The following KL variants were observed in gnomAD, a reference collection of about 807,000 sequenced individuals.
KL encodes klotho, also known as alpha-klotho.
Under a neutral mutation model 84.2 loss-of-function variants are expected in KL, and 62 were observed. The observed-to-expected ratio is 0.74, with a 90% CI of 0.60 to 0.91. The LOEUF (loss-of-function observed/expected upper bound fraction) is 0.91, where lower values mean the gene tolerates loss of function less well. Among genes scored for constraint, KL ranks in the 40% least tolerant of loss-of-function variants. The pLI is 0.00. For synonymous variants in KL, 528 were observed against 528.0 expected, an observed-to-expected ratio of 1.00 and a Z score of 0.00; for missense variants, 1,261 against 1,305.7, an observed-to-expected ratio of 0.97 and a Z score of 0.53.
intron 1 of KL, among the ~76,000 whole-genome samples, chr13:33,020,798 G>A (rs1167318797): frequency 6.6e-6 from 1 of 152,156 alleles, no homozygotes; most frequent in East Asian, 1.9e-4. Flanking sequence ...CTCACTGCTG[G>A]GGTTCTTATT....
intron 1 of KL, among the ~76,000 whole-genome samples, chr13:33,024,650 A>G (rs1870697268): frequency 6.6e-6 from 1 of 152,178 alleles, no homozygotes; most frequent in Admixed American, 6.5e-5. Context: ...GCCCTGTCAG[A>G]GCCTCTTGGG....
At chr13:33,018,639 T>C (rs575536) in intron 1 of KL, among the ~76,000 whole-genome samples, 94,717 of 152,012 alleles carry the variant, frequency 0.62, 31,509 homozygotes, top group Admixed American at 0.75. Context: ...TCTGAAAAAC[T>C]CTAAAGACCA....
At position 33,061,379 on chromosome 13, in the gene KL, C is replaced by T; in HGVS notation, c.2300C>T (p.Ser767Phe). ...IGWLAEPIFG[S>F]GDYPWVMRDW... is the part of the protein sequence containing the mutation. Reference sequence around the variant, plus strand: ...TGGCTGGCTGAGCCCATTTTCGGCTCTGGAGATTATCCATGGGTGATGAGG... The same window carrying T: ...TGGCTGGCTGAGCCCATTTTCGGCTTTGGAGATTATCCATGGGTGATGAGG... The change falls in exon 4 of 5, where the codon TCT becomes TTT. Residue 767 changes from serine to phenylalanine, a missense_variant. Coordinates refer to ENST00000380099, the MANE Select transcript of KL (RefSeq NM_004795.4). The T allele has an allele frequency of 6.2e-7, 1 of 1,614,130 alleles. No homozygotes were observed. Among genetic ancestry groups the T allele is most frequent in the Non-Finnish European group, 8.5e-7 (1 of 1,180,024 alleles).
chr13:33,063,522 C>G (rs2138246791), intron 4 of KL, among the ~76,000 whole-genome samples: 1 of 152,214 alleles, frequency 6.6e-6, no homozygotes, highest in South Asian at 2.1e-4. Context: ...CCTGTAATCC[C>G]AGCACTTTGG....
chr13:33,056,051 G>C (rs1871945490), intron 3 of KL, among the ~76,000 whole-genome samples: 1 of 152,166 alleles, frequency 6.6e-6, no homozygotes. Context: ...TGCAGGTAGA[G>C]GGTATACTGA....
At chr13:33,042,419 G>T (rs1174644476) in intron 1 of KL, among the ~76,000 whole-genome samples, 1 of 152,104 alleles carries the variant, frequency 6.6e-6, no homozygotes, top group Non-Finnish European at 1.5e-5. Flanking sequence ...CCGCTGTTGT[G>T]ATTCCCATCA....
At chr13:33,040,221 A>G (rs765213644) in intron 1 of KL, among the ~76,000 whole-genome samples, 9 of 152,232 alleles carry the variant, frequency 5.9e-5, no homozygotes, top group Non-Finnish European at 8.8e-5. Flanking sequence ...ACTGCAGCTT[A>G]TAAACCATAG....
rs1282600227 is a variant in KL at position 33,064,278 on chromosome 13, A to G, written c.*92A>G. 1.0e-6 allele frequency: 1 copy of G among 996,300 alleles called. No individual in the cohort carries two copies. Among genetic ancestry groups the G allele is most frequent in the Non-Finnish European group, 1.5e-6 (1 of 667,454 alleles). The allele number at this position is 996,300 out of a possible 1,614,324, so 61.7% of individuals were successfully genotyped here. ...GCACCTCTAAGTGTTGTGAAACTGT[A>G]AATTTCATACATTTGACTTCTAGAA... On this transcript the variant is annotated 3_prime_UTR_variant, in exon 5 of 5. Coordinates refer to ENST00000380099, the MANE Select transcript of KL (RefSeq NM_004795.4).
At chr13:33,026,241 C>T (rs1870772659) in intron 1 of KL, among the ~76,000 whole-genome samples, 1 of 152,180 alleles carries the variant, frequency 6.6e-6, no homozygotes, top group Admixed American at 6.5e-5. Context: ...ATACTCAAGA[C>T]TGGATTTGCC....
rs770530488 is a variant in KL at position 33,061,366 on chromosome 13, C to G, written c.2287C>G (p.Pro763Ala). The change falls in exon 4 of 5, where the codon CCC becomes GCC. Residue 763 changes from proline (P) to alanine (A), a missense_variant. Pro to Ala is a conservative substitution (Grantham distance 27). Transcript: ENST00000380099. ...ATTTGACATTGGCTGGCTGGCTGAG[C>G]CCATTTTCGGCTCTGGAGATTATCC... ...LEFDIGWLAEPIFGSGDYPWV... is the reference protein window; with the variant it reads ...LEFDIGWLAEAIFGSGDYPWV... 6.2e-7 allele frequency: 1 copy of G among 1,614,138 alleles called. No individual in the cohort carries two copies. The highest frequency in any genetic ancestry group is 1.7e-5 in the Admixed American group (1 of 60,026).
At chr13:33,055,390 T>A in intron 3 of KL, 75 bp downstream of exon 3, 1 of 1,580,618 alleles carries the variant, frequency 6.3e-7, no homozygotes, top group Non-Finnish European at 8.7e-7. Context: ...CTTCCTAGGC[T>A]GATTGTCATG....
chr13:33,050,272 A>G (rs1197955732), intron 1 of KL, among the ~76,000 whole-genome samples: 1 of 152,272 alleles, frequency 6.6e-6, no homozygotes, highest in Non-Finnish European at 1.5e-5. Context: ...AGCCTATAAG[A>G]TTAACATACC....
At chr13:33,054,901 T>C in intron 2 of KL, 146 bp from the exon 3 acceptor site, 1 of 1,053,644 alleles carries the variant, frequency 9.5e-7, no homozygotes, top group Non-Finnish European at 1.4e-6. Context: ...ATTAGAGTCT[T>C]TCGTCAAGAA....
intron 1 of KL, among the ~76,000 whole-genome samples, chr13:33,021,125 C>T (rs1229588570): frequency 6.6e-6 from 1 of 152,210 alleles, no homozygotes; most frequent in African/African-American, 2.4e-5. Context: ...TCCCTTGGTG[C>T]TCAGAAGGTG....
At chr13:33,038,687 T>C (rs1317605282) in intron 1 of KL, among the ~76,000 whole-genome samples, 1 of 152,144 alleles carries the variant, frequency 6.6e-6, no homozygotes, top group African/African-American at 2.4e-5. Context: ...TTTTCAGAAA[T>C]CAGAATGACT....
chr13:33,017,149 A>G lies in KL; in HGVS notation c.709A>G (p.Ile237Val), dbSNP rs141049229. 35 of 1,602,068 alleles carry G rather than the reference A, an allele frequency of 2.2e-5. No homozygotes were observed. The highest frequency in any genetic ancestry group is 2.1e-4 in the South Asian group (19 of 91,086). Residue 237 changes from isoleucine to valine, a missense_variant, in exon 1 of 5, where the codon ATC becomes GTC. Coordinates refer to ENST00000380099, the MANE Select transcript of KL (RefSeq NM_004795.4). Reference sequence around the variant, plus strand: ...CGGTCAGGTCAAGTACTGGATCACCATCGACAACCCCTACGTGGTGGCCTG... The same window carrying G: ...CGGTCAGGTCAAGTACTGGATCACCGTCGACAACCCCTACGTGGTGGCCTG... ...FGGQVKYWITIDNPYVVAWHG... is the reference protein window; with the variant it reads ...FGGQVKYWITVDNPYVVAWHG...
intron 1 of KL, among the ~76,000 whole-genome samples, chr13:33,042,587 A>G (rs1184811031): frequency 6.6e-6 from 1 of 152,228 alleles, no homozygotes; most frequent in African/African-American, 2.4e-5. Context: ...ATAGTATTCC[A>G]TTGTATAAAC....
intron 3 of KL, among the ~76,000 whole-genome samples, chr13:33,059,013 C>G (rs1470305650): frequency 1.3e-5 from 2 of 152,164 alleles, no homozygotes; most frequent in Non-Finnish European, 2.9e-5. Flanking sequence ...TTTTTAATGA[C>G]TTTTCTTTAT....
chr13:33,016,468 C>A lies in KL; in HGVS notation c.28C>A (p.Pro10Thr), dbSNP rs1395699399. 1.9e-6 allele frequency: 2 copies of A among 1,035,836 alleles called. No individual in the cohort carries two copies. Among genetic ancestry groups the A allele is most frequent in the Non-Finnish European group, 2.3e-6 (2 of 864,488 alleles). 64.2% of individuals were successfully genotyped at this position (1,035,836 alleles called of 1,614,324 possible). A position where few individuals can be genotyped will look rare whatever the true frequency, so the allele number is the denominator to read the frequency against. ...GCCCGCCAGCGCCCCGCCGCGCCGC[C>A]CGCGGCCGCCGCCGCCGTCGCTGTC... is the stretch of plus-strand genomic sequence containing the variant. Reference protein sequence around the residue: MPASAPPRRPRPPPPSLSLL... With the variant: MPASAPPRRTRPPPPSLSLL... The change falls in exon 1 of 5, where the codon CCG becomes ACG. Residue 10 changes from proline (P) to threonine (T), a missense_variant. Coordinates refer to ENST00000380099, the MANE Select transcript of KL (RefSeq NM_004795.4).
Sources: gnomAD v4.1 joint callset for allele counts (sites outside exome capture counted in the v4.1 genomes callset) on GRCh38, gnomAD v4.1.1 for gene constraint, MANE v1.5 for transcripts, NCBI Gene and HGNC (gene_info 2026-07-23, HGNC 2026-07-21) for gene names.